Variants in PDE1C observed in about 807,000 individuals in gnomAD.
PDE1C encodes phosphodiesterase 1C, also known as dual specificity calcium/calmodulin-dependent 3',5'-cyclic nucleotide phosphodiesterase 1C.
Under a neutral mutation model 93.1 loss-of-function variants are expected in PDE1C, and 62 were observed. That is an observed-to-expected ratio of 0.67 (90% CI 0.54 to 0.82). The LOEUF (loss-of-function observed/expected upper bound fraction) is 0.82, where lower values mean the gene tolerates loss of function less well. PDE1C is among the 40% of genes least tolerant of loss of function. The pLI, the probability that PDE1C is intolerant of heterozygous loss-of-function variation, is 0.00. For synonymous variants in PDE1C, 325 were observed against 310.1 expected (o/e 1.05, Z -0.50); for missense variants, 742 against 884.6 (o/e 0.84, Z 2.04).
chr7:32,374,885 C>A lies in PDE1C; in HGVS notation c.310+52937G>T, dbSNP rs73306188. Among the ~76,000 whole-genome samples, 211 of 152,200 alleles carry A rather than the reference C, an allele frequency of 1.4e-3. 1 individual carries two copies. The highest frequency in any genetic ancestry group is 4.7e-3 in the African/African-American group (197 of 41,514). ...TCAGTCTATTTTACATCAATGGTGC[C>A]CAGCTCCAGACAGACCCAATGCAAA... On this transcript the variant is annotated intron_variant, in intron 1 of 1. Transcript: ENST00000672256.
At chr7:32,367,994 T>C (rs774177035) in intron 1 of PDE1C, among the ~76,000 whole-genome samples, 5 of 150,748 alleles carry the variant, frequency 3.3e-5, no homozygotes, top group Non-Finnish European at 5.9e-5. Flanking sequence ...TCCCAATAAA[T>C]TAGGTATAGA....
chr7:31,629,638 G>T, the PDE1C span, among the ~76,000 whole-genome samples: 2 of 152,178 alleles, frequency 1.3e-5, no homozygotes, highest in Non-Finnish European at 2.9e-5. Flanking sequence ...GTCAGACCAT[G>T]GGTCCATAGA....
chr7:32,071,217 C>T (rs1300277474), upstream of PDE1C: 2 of 985,348 alleles, frequency 2.0e-6, no homozygotes, highest in Non-Finnish European at 2.4e-6. Context: ...TCAACAAGAG[C>T]TCGGCTCCGC....
chr7:31,916,672 AG>A (rs35256806), intron 2 of PDE1C, among the ~76,000 whole-genome samples: 1 of 152,228 alleles, frequency 6.6e-6, no homozygotes, highest in East Asian at 1.9e-4. Flanking sequence ...GTCCTGCTTT[AG>A]GTGTCAGGAG....
intron 2 of PDE1C, among the ~76,000 whole-genome samples, chr7:31,985,321 T>C (rs1783233097): frequency 6.6e-6 from 1 of 152,204 alleles, no homozygotes; most frequent in Non-Finnish European, 1.5e-5. Context: ...TGTTAAATTA[T>C]ATTTATGATT....
At chr7:31,821,737 C>T (rs979388607) in intron 14 of PDE1C, among the ~76,000 whole-genome samples, 9 of 152,066 alleles carry the variant, frequency 5.9e-5, no homozygotes, top group Admixed American at 5.2e-4. Context: ...AATGAGCAGC[C>T]ACTTGAACAG....
At chr7:31,829,345 T>C (rs939887618) in intron 11 of PDE1C, among the ~76,000 whole-genome samples, 1 of 152,180 alleles carries the variant, frequency 6.6e-6, no homozygotes, top group Admixed American at 6.6e-5. Flanking sequence ...TAAAAAGAAC[T>C]ACTGTTGTTT....
intron 2 of PDE1C, among the ~76,000 whole-genome samples, chr7:31,904,952 A>T (rs1454977007): frequency 6.6e-6 from 1 of 152,124 alleles, no homozygotes; most frequent in African/African-American, 2.4e-5. Flanking sequence ...TAATTTTTAC[A>T]TTCTTTTATA....
intron 2 of PDE1C, among the ~76,000 whole-genome samples, chr7:31,904,486 A>C (rs1483313888): frequency 6.6e-6 from 1 of 152,096 alleles, no homozygotes; most frequent in East Asian, 1.9e-4. Flanking sequence ...CACTTAAAAA[A>C]AAAAATCTAA....
At chr7:31,894,753 TGATG>T (rs1799064421) in intron 2 of PDE1C, among the ~76,000 whole-genome samples, 2 of 152,194 alleles carry the variant, frequency 1.3e-5, no homozygotes, top group Non-Finnish European at 2.9e-5. Context: ...TTGAATGCAC[TGATG>T]TGTGACAGAG....
At chr7:32,210,121 A>T (rs1421097317) in intron 1 of PDE1C, among the ~76,000 whole-genome samples, 3 of 152,254 alleles carry the variant, frequency 2.0e-5, no homozygotes, top group Non-Finnish European at 4.4e-5. Context: ...GCTTCTCAGC[A>T]GGGCAGGCTA....
chr7:32,185,258 A>G (rs1246453760), intron 2 of PDE1C, among the ~76,000 whole-genome samples: 2 of 151,658 alleles, frequency 1.3e-5, no homozygotes, highest in South Asian at 2.1e-4. Flanking sequence ...AAAAAAAAAA[A>G]AAAAAAAAAA....
intron 2 of PDE1C, among the ~76,000 whole-genome samples, chr7:31,937,354 G>C (rs775964171): frequency 1.3e-5 from 2 of 152,166 alleles, no homozygotes; most frequent in Non-Finnish European, 2.9e-5. Context: ...GTGTTATGTG[G>C]TACTATACCA....
At chr7:32,426,510 A>G (rs1785538237) in intron 1 of PDE1C, among the ~76,000 whole-genome samples, 3 of 152,070 alleles carry the variant, frequency 2.0e-5, no homozygotes, top group Admixed American at 2.0e-4. Context: ...CCTGAGCTCA[A>G]GCAATCCACC....
chr7:31,701,508 G>A, the PDE1C span, among the ~76,000 whole-genome samples: 9 of 152,288 alleles, frequency 5.9e-5, no homozygotes, highest in South Asian at 1.9e-3. Context: ...GACAACAAAG[G>A]GTTTAGAATA....
In PDE1C at chr7:31,794,841, G is replaced by T. The variant is rs1033955985; in HGVS notation, c.1891+14190C>A. 2.6e-5 allele frequency among the ~76,000 whole-genome samples: 4 copies of T among 151,954 alleles called. No homozygotes were observed. The East Asian group carries it at 7.7e-4, about 29-fold the overall frequency. ...CCAGGACCGTAAAGAAAGTCCTTCA[G>T]ATCAGTAAGTGAGGCTTGGATTTTA... On this transcript the variant is annotated intron_variant, in intron 16 of 17. Coordinates refer to ENST00000396191, the MANE Select transcript of PDE1C (RefSeq NM_001191057.4).
chr7:31,630,858 A>G, the PDE1C span, among the ~76,000 whole-genome samples: 1 of 152,148 alleles, frequency 6.6e-6, no homozygotes, highest in Non-Finnish European at 1.5e-5. Context: ...GAAAACAGGA[A>G]TTACAACATT....
At chr7:32,345,620 A>C (rs2128081379) in intron 1 of PDE1C, among the ~76,000 whole-genome samples, 1 of 152,388 alleles carries the variant, frequency 6.6e-6, no homozygotes, top group South Asian at 2.1e-4. Flanking sequence ...ACTTGTATTC[A>C]GAAGACATTT....
At chr7:32,020,982 A>G (rs965945283) in intron 2 of PDE1C, among the ~76,000 whole-genome samples, 10 of 152,150 alleles carry the variant, frequency 6.6e-5, no homozygotes, top group Non-Finnish European at 1.2e-4. Context: ...CAAACAAGAC[A>G]CAGGAGAGAA....
Sources: allele counts gnomAD v4.1 joint callset (sites outside exome capture counted in the v4.1 genomes callset), GRCh38; gene constraint gnomAD v4.1.1; transcripts MANE v1.5; gene names NCBI Gene and HGNC (gene_info 2026-07-23, HGNC 2026-07-21).